EFHB: variants seen among roughly 807,000 people sequenced by gnomAD.
The protein encoded by EFHB is EF-hand domain family member B, also known as EF-hand domain-containing family member B.
In EFHB, 91 loss-of-function variants were observed where a neutral mutation model predicts 87.2. The observed-to-expected ratio is 1.04, with a 90% CI of 0.88 to 1.24. The LOEUF is 1.24. Ranked by LOEUF, EFHB falls within the 50% of genes most tolerant of loss-of-function variation. The probability of loss-of-function intolerance (pLI) is 0.00; values close to 1 mark genes in which losing one functional copy is unlikely to be tolerated. For missense variants in EFHB, 1,084 were observed against 998.8 expected, an observed-to-expected ratio of 1.09 and a Z score of -1.15; for synonymous variants, 325 against 333.6, an observed-to-expected ratio of 0.97 and a Z score of 0.28.
At chr3:19,919,482 C>T (rs968328736) in intron 3 of EFHB, among the ~76,000 whole-genome samples, 1 of 151,880 alleles carries the variant, frequency 6.6e-6, no homozygotes, top group Non-Finnish European at 1.5e-5. Context: ...GCTGGGATTA[C>T]AGGCATGAGC....
chr3:19,882,957 AAATT>A lies in EFHB; in HGVS notation c.2147-230_2147-227del, dbSNP rs556700465. Among the ~76,000 whole-genome samples, 462 of 152,186 alleles carry A rather than the reference AAATT, an allele frequency of 3.0e-3. 2 individuals carry two copies. Among genetic ancestry groups the A allele is most frequent in the Non-Finnish European group, 5.0e-3 (343 of 68,012 alleles). On this transcript the variant is annotated intron_variant, in intron 11 of 12. Coordinates refer to ENST00000295824, the MANE Select transcript of EFHB (RefSeq NM_144715.4). ...AATATTTTGAATATATATCGTATTAAAATTAATTTCACCTGTTTCTTTTTTTAAC... is the reference window on the plus strand; with the variant it reads ...AATATTTTGAATATATATCGTATTAAAATTTCACCTGTTTCTTTTTTTAAC...
Position 19,882,550 on chromosome 3 carries a change from CTCT to C in EFHB, c.2325_2327del (p.Glu776del), listed in dbSNP as rs752808213. 6 of 1,589,314 alleles carry C rather than the reference CTCT, an allele frequency of 3.8e-6. No homozygotes were observed. In the Admixed American group the frequency reaches 8.6e-5, roughly 23 times the overall value. ...ATTTTTGTATGCTTATATGCTATAC[CTCT>C]TCTTTTGATCTGGTCTTGAAGAAGT... On this transcript the variant is annotated inframe_deletion and splice_region_variant, in exon 12 of 13. Transcript: ENST00000295824.
intron 4 of EFHB, among the ~76,000 whole-genome samples, chr3:19,917,479 G>C (rs1695273934): frequency 6.6e-6 from 1 of 152,026 alleles, no homozygotes; most frequent in Non-Finnish European, 1.5e-5. Context: ...GAGCCTCAAT[G>C]GGTATGGAAA....
At chr3:19,936,075 A>C (rs1185000889), upstream of EFHB, 5 of 1,301,792 alleles carry the variant, frequency 3.8e-6, no homozygotes, top group Admixed American at 3.7e-5. Flanking sequence ...AGAACTCTAC[A>C]AAAACCCCTT....
chr3:19,919,792 G>C (rs1695372447), intron 3 of EFHB, 41 bp downstream of exon 3: 3 of 1,577,982 alleles, frequency 1.9e-6, no homozygotes, highest in Non-Finnish European at 2.6e-6. Context: ...TTTCACCTTG[G>C]TAAATTAATA....
chr3:19,882,051 A>ATGAT (rs2071690423), intron 12 of EFHB, among the ~76,000 whole-genome samples: 2 of 135,160 alleles, frequency 1.5e-5, no homozygotes, highest in Non-Finnish European at 3.0e-5. Context: ...AAATAAATAA[A>ATGAT]TAAATAAATA....
intron 1 of EFHB, among the ~76,000 whole-genome samples, chr3:19,924,732 A>G (rs913216835): frequency 2.9e-4 from 44 of 152,246 alleles, no homozygotes; most frequent in African/African-American, 9.4e-4. Context: ...TTCATATTGT[A>G]CTTGCCTGTG....
At chr3:19,884,931 A>T (rs1249998791) in intron 10 of EFHB, among the ~76,000 whole-genome samples, 1 of 152,010 alleles carries the variant, frequency 6.6e-6, no homozygotes, top group Non-Finnish European at 1.5e-5. Flanking sequence ...AAAAAAAAAA[A>T]AATAGAGCGG....
rs538510201 is a variant in EFHB at position 19,946,418 on chromosome 3, A to G, written c.-32+501T>C. Among the ~76,000 whole-genome samples, 14 of 152,362 alleles carry G rather than the reference A, an allele frequency of 9.2e-5. No homozygotes were observed. In the South Asian group the frequency reaches 1.0e-3, roughly 11 times the overall value. ...TGAAAGACTCGAGTGTAAGAATTCAATGGGATAATTCCTGTAAAGCGTTTA... is the reference window on the plus strand; with the variant it reads ...TGAAAGACTCGAGTGTAAGAATTCAGTGGGATAATTCCTGTAAAGCGTTTA... On this transcript the variant is annotated intron_variant, in intron 1 of 14. Transcript: ENST00000344838.
intron 1 of EFHB, among the ~76,000 whole-genome samples, chr3:19,944,479 A>T (rs140782354): frequency 1.3e-5 from 2 of 152,350 alleles, no homozygotes; most frequent in Admixed American, 1.3e-4. Context: ...CTCCTCAGTT[A>T]TCTGGGGCTA....
upstream of EFHB, among the ~76,000 whole-genome samples, chr3:19,938,805 C>T (rs566339081): frequency 5.3e-5 from 8 of 152,320 alleles, no homozygotes; most frequent in Admixed American, 3.3e-4. Flanking sequence ...ACCTCTTCAG[C>T]TTTATCCCTG....
upstream of EFHB, among the ~76,000 whole-genome samples, chr3:19,935,917 G>A (rs1696002963): frequency 6.8e-6 from 1 of 146,340 alleles, no homozygotes; most frequent in East Asian, 2.1e-4. Flanking sequence ...GGCTGAGGTA[G>A]AAGAATCGCT....
chr3:19,897,423 C>G (rs545473156), intron 8 of EFHB, among the ~76,000 whole-genome samples: 1 of 152,302 alleles, frequency 6.6e-6, no homozygotes, highest in South Asian at 2.1e-4. Flanking sequence ...GACCCACACC[C>G]CAACTAGAGT....
chr3:19,895,480 C>CAAA (rs746098754), intron 9 of EFHB, among the ~76,000 whole-genome samples: 2 of 99,738 alleles, frequency 2.0e-5, no homozygotes, highest in South Asian at 3.1e-4. Flanking sequence ...GACTCGGTCT[C>CAAA]AAAAAAAAAA....
chr3:19,933,107 G>T, intron 1 of EFHB, 123 bp downstream of exon 1: 1 of 1,212,400 alleles, frequency 8.2e-7, no homozygotes, highest in Non-Finnish European at 1.1e-6. Flanking sequence ...AAGAAATATA[G>T]GAATCTCATA....
intron 1 of EFHB, among the ~76,000 whole-genome samples, chr3:19,939,400 T>TTTTTTG (rs1559479910): frequency 9.0e-6 from 1 of 111,374 alleles, no homozygotes; most frequent in Non-Finnish European, 2.0e-5. Flanking sequence ...TTTTTTTTTT[T>TTTTTTG]GGGATGGAGT....
chr3:19,900,981 T>C (rs1375959655), intron 6 of EFHB, among the ~76,000 whole-genome samples: 1 of 152,002 alleles, frequency 6.6e-6, no homozygotes, highest in Non-Finnish European at 1.5e-5. Context: ...TGTAGCCTCA[T>C]TGATGACAGT....
At position 19,933,341 on chromosome 3, in the gene EFHB, T is replaced by C. The variant is rs138004071; in HGVS notation, c.678A>G (p.Gln226=). Residue 226 remains glutamine, a synonymous_variant, in exon 1 of 13, where the codon CAA becomes CAG. Transcript: ENST00000295824. ...IEPPQCQFAQ[Q]HEQRKEAGNI... Reference sequence around the variant, plus strand: ...TTCCAGCCTCCTTTCTCTGTTCATGTTGTTGGGCAAACTGGCATTGGGGAG... The same window carrying C: ...TTCCAGCCTCCTTTCTCTGTTCATGCTGTTGGGCAAACTGGCATTGGGGAG... 21 of 1,614,020 alleles carry C rather than the reference T, an allele frequency of 1.3e-5. No homozygotes were observed. The highest frequency in any genetic ancestry group is 1.2e-4 in the African/African-American group (9 of 75,048).
intron 9 of EFHB, among the ~76,000 whole-genome samples, chr3:19,892,006 T>G (rs1694322462): frequency 6.6e-6 from 1 of 152,154 alleles, no homozygotes; most frequent in African/African-American, 2.4e-5. Context: ...ACAGTGAACC[T>G]CTGACCCCTC....
Sources: allele counts gnomAD v4.1 joint callset (sites outside exome capture counted in the v4.1 genomes callset), GRCh38; gene constraint gnomAD v4.1.1; transcripts MANE v1.5; gene names NCBI Gene and HGNC (gene_info 2026-07-23, HGNC 2026-07-21).